The following UBE2K variants were observed in gnomAD, a reference collection of about 807,000 sequenced individuals.
UBE2K encodes ubiquitin-conjugating enzyme E2 K.
UBE2K carries 6 observed loss-of-function variants against 30.0 expected under a neutral mutation model. The ratio of observed to expected loss-of-function variants is 0.20; its 90% CI spans 0.11 to 0.39. UBE2K has a LOEUF of 0.39. Among genes scored for constraint, UBE2K ranks in the 10% least tolerant of loss-of-function variants. The pLI is 1.00. For missense variants in UBE2K, 61 were observed against 241.6 expected, an observed-to-expected ratio of 0.25 and a Z score of 4.96; for synonymous variants, 86 against 83.7, an observed-to-expected ratio of 1.03 and a Z score of -0.15.
chr4:39,712,208 T>A (rs1199587095), intron 1 of UBE2K, among the ~76,000 whole-genome samples: 5 of 128,484 alleles, frequency 3.9e-5, no homozygotes, highest in Non-Finnish European at 8.4e-5. Context: ...TTTTTTTTTT[T>A]TTTTTTTTTT....
intron 4 of UBE2K, among the ~76,000 whole-genome samples, chr4:39,763,630 C>A (rs374934564): frequency 2.8e-4 from 42 of 151,582 alleles, no homozygotes; most frequent in African/African-American, 9.5e-4. Flanking sequence ...GAGCGATTTG[C>A]CCCCAGGATC....
At chr4:39,767,646 A>C (rs1712434562) in intron 4 of UBE2K, among the ~76,000 whole-genome samples, 1 of 152,054 alleles carries the variant, frequency 6.6e-6, no homozygotes, top group Admixed American at 6.6e-5. Context: ...TTTCAAGAAA[A>C]GTGTTTATTG....
intron 4 of UBE2K, among the ~76,000 whole-genome samples, chr4:39,759,332 A>G (rs1034340272): frequency 6.6e-6 from 1 of 152,090 alleles, no homozygotes; most frequent in South Asian, 2.1e-4. Context: ...GCTGGAGTGC[A>G]ATGGTGCCAT....
At chr4:39,740,435 G>A (rs537691243) in intron 2 of UBE2K, among the ~76,000 whole-genome samples, 6 of 151,900 alleles carry the variant, frequency 3.9e-5, no homozygotes, top group Admixed American at 6.6e-5. Context: ...CCAGCTACTC[G>A]GGAGGCTGAG....
chr4:39,715,411 A>G (rs1306293887), intron 1 of UBE2K, among the ~76,000 whole-genome samples: 1 of 151,988 alleles, frequency 6.6e-6, no homozygotes, highest in Admixed American at 6.6e-5. Flanking sequence ...GGTTCAAGGG[A>G]TCCTCCCAAC....
chr4:39,752,067 T>C (rs1177223488), intron 3 of UBE2K, among the ~76,000 whole-genome samples: 1 of 152,202 alleles, frequency 6.6e-6, no homozygotes, highest in Non-Finnish European at 1.5e-5. Flanking sequence ...TCTTCAATAG[T>C]GTTTTAAAAT....
At chr4:39,740,992 C>T (rs899512579) in intron 2 of UBE2K, among the ~76,000 whole-genome samples, 2 of 149,216 alleles carry the variant, frequency 1.3e-5, no homozygotes, top group Non-Finnish European at 3.0e-5. Flanking sequence ...CTTATATCTG[C>T]CTGGGCGGGG....
At chr4:39,732,934 C>T (rs897353691) in intron 1 of UBE2K, among the ~76,000 whole-genome samples, 1 of 151,612 alleles carries the variant, frequency 6.6e-6, no homozygotes, top group Non-Finnish European at 1.5e-5. Flanking sequence ...CCTCGGCCTC[C>T]TAGAGTACTG....
chr4:39,770,870 G>A (rs1712759432), intron 4 of UBE2K: 1 of 1,543,330 alleles, frequency 6.5e-7, no homozygotes, highest in East Asian at 2.3e-5. Context: ...TCAGCTCCAA[G>A]TCCTCATCCA....
chr4:39,739,572 G>A (rs6818053), intron 2 of UBE2K, among the ~76,000 whole-genome samples: 75,395 of 148,324 alleles, frequency 0.51, 19,697 homozygotes, highest in East Asian at 0.64. Context: ...TCAGCCTCCC[G>A]AGTAGCTGGT....
intron 1 of UBE2K, among the ~76,000 whole-genome samples, chr4:39,717,495 C>T (rs1719147545): frequency 6.6e-6 from 1 of 152,098 alleles, no homozygotes; most frequent in South Asian, 2.1e-4. Context: ...TCCCAAAGTG[C>T]TGGGATTACA....
chr4:39,777,916 T>C, intron 6 of UBE2K, 106 bp downstream of exon 6: 2 of 1,097,568 alleles, frequency 1.8e-6, no homozygotes, highest in East Asian at 5.8e-5. Context: ...ATTCGCAGCC[T>C]GGGCAACATG....
intron 1 of UBE2K, among the ~76,000 whole-genome samples, chr4:39,730,502 G>A (rs1260754575): frequency 6.6e-6 from 1 of 152,050 alleles, no homozygotes; most frequent in Non-Finnish European, 1.5e-5. Context: ...CTGGTGTGGT[G>A]GCTTAGCCTG....
At chr4:39,771,240 G>T (rs1456329436) in intron 4 of UBE2K, 15 of 1,611,946 alleles carry the variant, frequency 9.3e-6, no homozygotes, top group African/African-American at 1.3e-5. Context: ...GCTCCGAGCT[G>T]GGGTTAAGCA....
At position 39,782,445 on chromosome 4, in the gene UBE2K, TGTG is replaced by T. The variant is rs1339468182; in HGVS notation, c.*4015_*4017del. On this transcript the variant is annotated 3_prime_UTR_variant, in exon 7 of 7. Coordinates refer to ENST00000261427, the MANE Select transcript of UBE2K (RefSeq NM_005339.5). ...CTTTCAGCAATTGATGGTGCTTTGT[TGTG>T]GTGTCTGCTGGAAGTCTACTGCCAT... 1 of 152,266 alleles carries T rather than the reference TGTG, an allele frequency of 6.6e-6. No individual in the cohort carries two copies. Among genetic ancestry groups the T allele is most frequent in the Non-Finnish European group, 1.5e-5 (1 of 68,110 alleles). 9.4% of individuals were successfully genotyped at this position (152,266 alleles called of 1,614,324 possible).
intron 1 of UBE2K, among the ~76,000 whole-genome samples, chr4:39,718,008 C>G (rs928923167): frequency 6.6e-6 from 1 of 152,012 alleles, no homozygotes; most frequent in African/African-American, 2.4e-5. Context: ...AAAGAGTGAG[C>G]AGTAGCAAGA....
chr4:39,707,257 G>C lies in UBE2K; in HGVS notation c.63+8867G>C, dbSNP rs547826983. 3.3e-5 allele frequency among the ~76,000 whole-genome samples: 5 copies of C among 151,990 alleles called. No individual in the cohort carries two copies. The East Asian group carries it at 9.7e-4, about 29-fold the overall frequency. On this transcript the variant is annotated intron_variant, in intron 1 of 6. Transcript: ENST00000261427. ...AGATGGAATCTCACTCTCTCACCCA[G>C]GCTGGAGTGCGGTGACATGATCTTG...
chr4:39,709,459 G>A (rs988102237), intron 1 of UBE2K, among the ~76,000 whole-genome samples: 2 of 151,938 alleles, frequency 1.3e-5, no homozygotes, highest in Admixed American at 6.6e-5. Context: ...GTCAACCATC[G>A]TCCAAAAATA....
intron 5 of UBE2K, among the ~76,000 whole-genome samples, chr4:39,775,378 C>T (rs996132904): frequency 1.3e-5 from 2 of 152,282 alleles, no homozygotes; most frequent in Admixed American, 6.5e-5. Flanking sequence ...TTTTTCATTT[C>T]GCTTTCTAGC....
Sources: gnomAD v4.1 joint callset for allele counts (sites outside exome capture counted in the v4.1 genomes callset) on GRCh38, gnomAD v4.1.1 for gene constraint, MANE v1.5 for transcripts, NCBI Gene and HGNC (gene_info 2026-07-23, HGNC 2026-07-21) for gene names.